Variants in TLCD2 observed in about 807,000 individuals in gnomAD.
The protein encoded by TLCD2 is TLC domain containing 2.
A neutral mutation model predicts 14.0 loss-of-function variants in TLCD2; 12 were observed. The observed-to-expected ratio is 0.86, with a 90% CI of 0.55 to 1.39. The LOEUF (loss-of-function observed/expected upper bound fraction) is 1.39. Ranked by LOEUF, TLCD2 falls within the 40% of genes most tolerant of loss-of-function variation. The pLI is 0.00. For synonymous variants in TLCD2, 166 were observed against 156.5 expected (o/e 1.06, Z -0.45); for missense variants, 360 against 346.8 (o/e 1.04, Z -0.30).
At position 1,709,872 on chromosome 17, in the gene TLCD2, G is replaced by A; in HGVS notation, c.191C>T (p.Pro64Leu). The A allele has an allele frequency of 2.0e-6, 3 of 1,534,588 alleles. No individual in the cohort carries two copies. Among genetic ancestry groups the A allele is most frequent in the Non-Finnish European group, 2.6e-6 (3 of 1,146,636 alleles). ...TGALLGLSLY[P>L]QMAADPIHGH... Reference sequence around the variant, plus strand: ...ATGGATGGGGTCGGCGGCCATCTGAGGGTACAGTGACAGGCTGGGGGCATG... The same window carrying A: ...ATGGATGGGGTCGGCGGCCATCTGAAGGTACAGTGACAGGCTGGGGGCATG... Residue 64 changes from proline to leucine, a missense_variant, in exon 2 of 4, where the codon CCT (proline) becomes CTT (leucine). Pro to Leu is a moderately conservative substitution (Grantham distance 98, BLOSUM62 -3). Transcript: ENST00000330676.
At position 1,704,640 on chromosome 17, in the gene TLCD2, T is replaced by G. The variant is rs1167764829; in HGVS notation, c.*3130A>C. The G allele has an allele frequency of 1.3e-5, 2 of 152,060 alleles. No individual in the cohort carries two copies. Among genetic ancestry groups the G allele is most frequent in the Non-Finnish European group, 2.9e-5 (2 of 68,026 alleles). The allele number at this position is 152,060 out of a possible 1,614,324, so 9.4% of individuals were successfully genotyped here. On this transcript the variant is annotated 3_prime_UTR_variant, in exon 4 of 4. Transcript: ENST00000330676. Reference sequence around the variant, plus strand: ...TCTCACAATCCCTCTCATTTTTTTTTCACACCTGTATTTTTCCTCCTCTTT... The same window carrying G: ...TCTCACAATCCCTCTCATTTTTTTTGCACACCTGTATTTTTCCTCCTCTTT...
At chr17:1,708,393 T>C (rs1170924756) in intron 3 of TLCD2, among the ~76,000 whole-genome samples, 171 bp from the exon 4 acceptor site, 1 of 151,310 alleles carries the variant, frequency 6.6e-6, no homozygotes, top group Non-Finnish European at 1.5e-5. Flanking sequence ...GAAACAACCC[T>C]TCCATAGATG....
intron 3 of TLCD2, 45 bp downstream of exon 3, chr17:1,709,454 C>G: frequency 7.5e-7 from 1 of 1,339,856 alleles, no homozygotes; most frequent in Non-Finnish European, 1.0e-6. Flanking sequence ...CTGGACAGGG[C>G]TCCCCTCCTC....
At position 1,709,704 on chromosome 17, in the gene TLCD2, C is replaced by G. The variant is rs534640467; in HGVS notation, c.259+100G>C. ...TTTCCCTTGGTAAAGCCTTCAGGAACGTTTAACCCCCATGGGGGCGGGGAA... is the reference window on the plus strand; with the variant it reads ...TTTCCCTTGGTAAAGCCTTCAGGAAGGTTTAACCCCCATGGGGGCGGGGAA... On this transcript the variant is annotated intron_variant, in intron 2 of 3. Transcript: ENST00000330676. The G allele has an allele frequency of 1.3e-5, 15 of 1,151,244 alleles. No individual in the cohort carries two copies. The East Asian group carries it at 2.4e-4, about 19-fold the overall frequency. 71.3% of individuals were successfully genotyped at this position (1,151,244 alleles called of 1,614,324 possible).
Position 1,707,490 on chromosome 17 carries a change from C to A in TLCD2, c.*280G>T, listed in dbSNP as rs754595869. Reference sequence around the variant, plus strand: ...TTCCAGCTGCATGCCTCCTGCCACCCTTTACTGATAGCTCTAGCTGTACCT... The same window carrying A: ...TTCCAGCTGCATGCCTCCTGCCACCATTTACTGATAGCTCTAGCTGTACCT... On this transcript the variant is annotated 3_prime_UTR_variant, in exon 4 of 4. Transcript: ENST00000330676. 25 of 411,862 alleles carry A rather than the reference C, an allele frequency of 6.1e-5. No homozygotes were observed. Among genetic ancestry groups the A allele is most frequent in the Non-Finnish European group, 1.0e-4 (24 of 231,800 alleles). The allele number at this position is 411,862 out of a possible 1,614,324, so 25.5% of individuals were successfully genotyped here. A position where few individuals can be genotyped will look rare whatever the true frequency, so the allele number is the denominator to read the frequency against.
intron 3 of TLCD2, 59 bp downstream of exon 3, chr17:1,709,440 C>T (rs1196144709): frequency 3.8e-6 from 4 of 1,041,362 alleles, no homozygotes; most frequent in Non-Finnish European, 5.6e-6. Flanking sequence ...CTGGGAACCT[C>T]GGGCTGGACA....
rs748427475 is a variant in TLCD2, at chr17:1,710,023, C to A, written c.176+44G>T. 5 of 1,526,732 alleles carry A rather than the reference C, an allele frequency of 3.3e-6. No homozygotes were observed. Among genetic ancestry groups the A allele is most frequent in the South Asian group, 2.4e-5 (2 of 82,860 alleles). 94.6% of individuals were successfully genotyped at this position (1,526,732 alleles called of 1,614,324 possible). On this transcript the variant is annotated intron_variant, in intron 1 of 3. Coordinates refer to ENST00000330676, the MANE Select transcript of TLCD2 (RefSeq NM_001164407.2). This position sits in a 1 kb window ranked among gnomAD's most constrained non-coding sequence, Gnocchi z 6.1. ...CGGGTCTCCCGGCCTCAGCCTCCCACCCCTCGCCCTCGCCCCGTGCGCCTC... is the reference window on the plus strand; with the variant it reads ...CGGGTCTCCCGGCCTCAGCCTCCCAACCCTCGCCCTCGCCCCGTGCGCCTC...
intron 3 of TLCD2, among the ~76,000 whole-genome samples, chr17:1,708,947 AGTGCCCTGG>A: frequency 6.6e-6 from 1 of 151,838 alleles, no homozygotes; most frequent in South Asian, 2.1e-4. Context: ...TTGTATGGTG[AGTGCCCTGG>A]CATGGTAGGT....
In TLCD2 at chr17:1,707,168, T is replaced by TAAAAAAA; in HGVS notation, c.*595_*601dup. On this transcript the variant is annotated 3_prime_UTR_variant, in exon 4 of 4. Coordinates refer to ENST00000330676, the MANE Select transcript of TLCD2 (RefSeq NM_001164407.2). The stretch of plus-strand genomic sequence containing the variant: ...GGTGACAGAGTAAGATTCCGTCTCA[T>TAAAAAAA]AAAAAAAAAGAAAAAGAAAAAGAAA... 6.7e-6 allele frequency: 1 copy of TAAAAAAA among 149,132 alleles called. No individual in the cohort carries two copies. Among genetic ancestry groups the TAAAAAAA allele is most frequent in the African/African-American group, 2.5e-5 (1 of 40,618 alleles). 9.2% of individuals were successfully genotyped at this position (149,132 alleles called of 1,614,324 possible).
chr17:1,708,263 G>C, intron 3 of TLCD2, 41 bp from the exon 4 acceptor site: 1 of 1,434,498 alleles, frequency 7.0e-7, no homozygotes, highest in East Asian at 2.5e-5. Flanking sequence ...CCCATGACCT[G>C]CCAGCCATCA....
At position 1,710,037 on chromosome 17, in the gene TLCD2, C is replaced by G. The variant is rs1348980469; in HGVS notation, c.176+30G>C. 10 of 1,530,506 alleles carry G rather than the reference C, an allele frequency of 6.5e-6. No individual in the cohort carries two copies. The South Asian group carries it at 1.2e-4, about 18-fold the overall frequency. The allele number at this position is 1,530,506 out of a possible 1,614,324, so 94.8% of individuals were successfully genotyped here. ...TCAGCCTCCCACCCCTCGCCCTCGC[C>G]CCGTGCGCCTCGAGCCCCCAAGCCC... is the stretch of plus-strand genomic sequence containing the variant. On this transcript the variant is annotated intron_variant, in intron 1 of 3. Coordinates refer to ENST00000330676, the MANE Select transcript of TLCD2 (RefSeq NM_001164407.2). This position sits in a 1 kb window ranked among gnomAD's most constrained non-coding sequence, Gnocchi z 6.1.
Position 1,707,854 on chromosome 17 carries a change from G to T in TLCD2, c.711C>A (p.Gly237=). The T allele has an allele frequency of 6.5e-7, 1 of 1,536,864 alleles. No homozygotes were observed. Among genetic ancestry groups the T allele is most frequent in the Non-Finnish European group, 8.7e-7 (1 of 1,146,720 alleles). The stretch of plus-strand genomic sequence containing the variant: ...TCCTGGTCCCCCTGGTTTTCTCATG[G>T]CCAGGGCTGGGTGGATGGGGTCGAG... The part of the protein sequence containing the change: ...LQSRPHPPSP[G]HEKTRGTRTR... The change falls in exon 4 of 4, where the codon GGC becomes GGA. Residue 237 remains glycine (G), a synonymous_variant. Transcript: ENST00000330676.
At chr17:1,708,426 G>A (rs984875832) in intron 3 of TLCD2, among the ~76,000 whole-genome samples, 2 of 151,812 alleles carry the variant, frequency 1.3e-5, no homozygotes, top group Non-Finnish European at 2.9e-5. Context: ...GCCCAGGGAG[G>A]GGCTGTCTCA....
rs1454534993 is a variant in TLCD2, at chr17:1,707,012, C to A, written c.*758G>T. 6.6e-6 allele frequency: 1 copy of A among 151,602 alleles called. No individual in the cohort carries two copies. Among genetic ancestry groups the A allele is most frequent in the Non-Finnish European group, 1.5e-5 (1 of 67,948 alleles). 9.4% of individuals were successfully genotyped at this position (151,602 alleles called of 1,614,324 possible). On this transcript the variant is annotated 3_prime_UTR_variant, in exon 4 of 4. Transcript: ENST00000330676. Reference sequence around the variant, plus strand: ...GAAACCTCCTCTCCACCAAAAAATACAAAAATTAGCTGGGCTTGGTGGTGC... The same window carrying A: ...GAAACCTCCTCTCCACCAAAAAATAAAAAAATTAGCTGGGCTTGGTGGTGC...
chr17:1,703,170 C>G lies in TLCD2; in HGVS notation c.*4600G>C, dbSNP rs1913928810. ...TGCCCACACTCCAATTCTCTGCCTACTTACTCAGTTGTAATCACAATCCAG... is the reference window on the plus strand; with the variant it reads ...TGCCCACACTCCAATTCTCTGCCTAGTTACTCAGTTGTAATCACAATCCAG... On this transcript the variant is annotated 3_prime_UTR_variant, in exon 4 of 4. Coordinates refer to ENST00000330676, the MANE Select transcript of TLCD2 (RefSeq NM_001164407.2). 1 of 152,022 alleles carries G rather than the reference C, an allele frequency of 6.6e-6. No individual in the cohort carries two copies. Among genetic ancestry groups the G allele is most frequent in the Non-Finnish European group, 1.5e-5 (1 of 68,018 alleles). 9.4% of individuals were successfully genotyped at this position (152,022 alleles called of 1,614,324 possible). A position where few individuals can be genotyped will look rare whatever the true frequency, so the allele number is the denominator to read the frequency against.
In TLCD2 at chr17:1,708,050, G is replaced by A. The variant is rs1914090687; in HGVS notation, c.515C>T (p.Thr172Ile). 1 of 1,537,094 alleles carries A rather than the reference G, an allele frequency of 6.5e-7. No homozygotes were observed. The highest frequency in any genetic ancestry group is 8.7e-7 in the Non-Finnish European group (1 of 1,146,920). Residue 172 changes from threonine to isoleucine, a missense_variant, in exon 4 of 4, where the codon ACC (threonine) becomes ATC (isoleucine). Transcript: ENST00000330676. ...CGGGACCAGGCGGAAGAGGGCCAAGGTGGCCAAGGAGGCCCAGCTGGTCAC... is the reference window on the plus strand; with the variant it reads ...CGGGACCAGGCGGAAGAGGGCCAAGATGGCCAAGGAGGCCCAGCTGGTCAC... ...FSVTSWASLA[T>I]LALFRLVPLG...
Position 1,709,904 on chromosome 17 carries a change from G to T in TLCD2, c.177-18C>A. The T allele has an allele frequency of 7.2e-7, 1 of 1,395,474 alleles. No individual in the cohort carries two copies. Among genetic ancestry groups the T allele is most frequent in the Non-Finnish European group, 9.7e-7 (1 of 1,028,058 alleles). 86.4% of individuals were successfully genotyped at this position (1,395,474 alleles called of 1,614,324 possible). A position where few individuals can be genotyped will look rare whatever the true frequency, so the allele number is the denominator to read the frequency against. On this transcript the variant is annotated intron_variant, in intron 1 of 3. Transcript: ENST00000330676. The stretch of plus-strand genomic sequence containing the variant: ...GTGACAGGCTGGGGGCATGGGGTGG[G>T]GACATGGGGGGGGGCATGGTCAGCC...
chr17:1,709,811 C>T lies in TLCD2; in HGVS notation c.252G>A (p.Val84=). 6.5e-7 allele frequency: 1 copy of T among 1,530,700 alleles called. No individual in the cohort carries two copies. The highest frequency in any genetic ancestry group is 8.8e-7 in the Non-Finnish European group (1 of 1,142,346). The allele number at this position is 1,530,700 out of a possible 1,614,324, so 94.8% of individuals were successfully genotyped here. A position where few individuals can be genotyped will look rare whatever the true frequency, so the allele number is the denominator to read the frequency against. The change falls in exon 2 of 4, where the codon GTG becomes GTA. Residue 84 remains valine, a synonymous_variant. Transcript: ENST00000330676. ...HPRWALVLVA[V]SVGYFLADGA... ...CCTTCCCTGCAGACTCACCCACAGA[C>T]ACAGCCACCAGCACCAGAGCCCAGC...
At position 1,708,183 on chromosome 17, in the gene TLCD2, A is replaced by G; in HGVS notation, c.382T>C (p.Tyr128His). 6.5e-7 allele frequency: 1 copy of G among 1,536,176 alleles called. No individual in the cohort carries two copies. The change falls in exon 4 of 4, where the codon TAC (tyrosine) becomes CAC (histidine). Residue 128 changes from tyrosine (Y) to histidine (H), a missense_variant. Coordinates refer to ENST00000330676, the MANE Select transcript of TLCD2 (RefSeq NM_001164407.2). ...AGAGACACCATGGAGAAGCCCACGTAGTGGCCAGACAGAACAGCGGTGCTG... is the reference window on the plus strand; with the variant it reads ...AGAGACACCATGGAGAAGCCCACGTGGTGGCCAGACAGAACAGCGGTGCTG... ...CLSTAVLSGH[Y>H]VGFSMVSLLL...
Sources: gnomAD v4.1 joint callset for allele counts (sites outside exome capture counted in the v4.1 genomes callset) on GRCh38, gnomAD v4.1.1 for gene constraint, Gnocchi (gnomAD v3.1) non-coding constraint, MANE v1.5 for transcripts, NCBI Gene and HGNC (gene_info 2026-07-23, HGNC 2026-07-21) for gene names.